The following AFF2 variants were observed in gnomAD, a reference collection of about 807,000 sequenced individuals.
AFF2 encodes the protein AF4/FMR2 family member 2.
AFF2 carries 14 observed loss-of-function variants against 76.9 expected under a neutral mutation model. That is an observed-to-expected ratio of 0.18 (90% CI 0.12 to 0.28). The LOEUF is 0.28. Ranked by LOEUF, AFF2 falls within the 10% of genes least tolerant of loss-of-function variation. The probability of loss-of-function intolerance (pLI) is 1.00; values close to 1 mark genes in which losing one functional copy is unlikely to be tolerated. For synonymous variants in AFF2, 398 were observed against 366.7 expected (o/e 1.09, Z -0.98); for missense variants, 868 against 1,001.1 (o/e 0.87, Z 1.79).
chrX:148,588,867 T>G (rs782375177), intron 1 of AFF2, among the ~76,000 whole-genome samples: 32 of 111,607 alleles, frequency 2.9e-4, no homozygotes, highest in Non-Finnish European at 5.8e-4. Flanking sequence ...AAAAACATAC[T>G]CAGATTTCAG....
In AFF2 at chrX:148,962,793, C is replaced by T; in HGVS notation, c.2769C>T (p.Asp923=). Residue 923 remains aspartate, a synonymous_variant, in exon 13 of 21, where the codon GAC becomes GAT. Coordinates refer to ENST00000370460, the MANE Select transcript of AFF2 (RefSeq NM_002025.4). ...FPPPLSPLPE[D]PPRRRNVSGN... is the part of the protein sequence containing the mutation. ...CTCCACTTTCCCCACTGCCAGAGGA[C>T]CCTCCACGCCGCAGAAATGTCAGTG... 2.5e-6 allele frequency: 3 copies of T among 1,210,598 alleles called. No homozygotes were observed. Among genetic ancestry groups the T allele is most frequent in the Non-Finnish European group, 3.4e-6 (3 of 894,489 alleles).
At position 148,729,154 on chromosome X, in the gene AFF2, A is replaced by G. The variant is rs184488289; in HGVS notation, c.1041+66386A>G. On this transcript the variant is annotated intron_variant, in intron 3 of 20. Transcript: ENST00000370460. ...CTTCATGGGGTGAATCAGAAGAGAGACAAGAACAGAAATGTAAACAAGACA... is the reference window on the plus strand; with the variant it reads ...CTTCATGGGGTGAATCAGAAGAGAGGCAAGAACAGAAATGTAAACAAGACA... Among the ~76,000 whole-genome samples, 553 of 112,115 alleles carry G rather than the reference A, an allele frequency of 4.9e-3. 4 individuals carry two copies. The highest frequency in any genetic ancestry group is 0.016 in the African/African-American group (509 of 30,917).
intron 3 of AFF2, among the ~76,000 whole-genome samples, chrX:148,795,835 ATATATATATATAT>A (rs2069971594): frequency 4.3e-4 from 5 of 11,605 alleles, no homozygotes; most frequent in South Asian, 6.6e-3. Context: ...AAAAAAAAAT[ATATATATATATAT>A]ATATATATAT....
intron 3 of AFF2, among the ~76,000 whole-genome samples, chrX:148,779,536 G>A (rs782021606): frequency 5.4e-5 from 6 of 111,039 alleles, no homozygotes; most frequent in Admixed American, 2.9e-4. Flanking sequence ...CCTGTATTGG[G>A]TGCATATATA....
intron 3 of AFF2, among the ~76,000 whole-genome samples, chrX:148,774,946 T>G (rs2124604901): frequency 8.9e-6 from 1 of 112,064 alleles, no homozygotes; most frequent in South Asian, 3.7e-4. Flanking sequence ...ACCGGCAGAG[T>G]AATTTTTATT....
chrX:148,899,995 A>T (rs1352982473), intron 8 of AFF2, among the ~76,000 whole-genome samples: 10 of 110,426 alleles, frequency 9.1e-5, no homozygotes, highest in Admixed American at 4.8e-4. Context: ...ATTTTCTATA[A>T]ATATGTATTT....
chrX:148,523,693 C>G (rs1569550717), intron 1 of AFF2, among the ~76,000 whole-genome samples: 1 of 112,316 alleles, frequency 8.9e-6, no homozygotes, highest in Non-Finnish European at 1.9e-5. Context: ...AAATATTAGT[C>G]TTTAGTTCTT....
At chrX:148,718,331 G>A (rs1199624303) in intron 3 of AFF2, among the ~76,000 whole-genome samples, 2 of 111,019 alleles carry the variant, frequency 1.8e-5, no homozygotes, top group Non-Finnish European at 3.8e-5. Context: ...ATGAGCATAG[G>A]GTCATCATTT....
intron 4 of AFF2, among the ~76,000 whole-genome samples, chrX:148,829,891 G>A (rs1197317877): frequency 8.9e-6 from 1 of 111,929 alleles, no homozygotes; most frequent in East Asian, 2.8e-4. Flanking sequence ...TACCCATACA[G>A]CCAGTCCTAA....
Position 148,918,574 on chromosome X carries a change from ACT to A in AFF2, c.1397+14318_1397+14319del, listed in dbSNP as rs782686692. On this transcript the variant is annotated intron_variant, in intron 9 of 20. Coordinates refer to ENST00000370460, the MANE Select transcript of AFF2 (RefSeq NM_002025.4). ...TATCTTGACAGCACAGCGTAGCACA[ACT>A]CACCCAGAGACACAAATTCGGAAAT... 2.4e-4 allele frequency among the ~76,000 whole-genome samples: 27 copies of A among 111,752 alleles called. No homozygotes were observed. In the South Asian group the frequency reaches 9.8e-3, roughly 41 times the overall value.
chrX:148,700,422 G>GTGTA (rs1362147064), intron 3 of AFF2, among the ~76,000 whole-genome samples: 1 of 55,748 alleles, frequency 1.8e-5, no homozygotes, highest in Non-Finnish European at 4.2e-5. Context: ...CTGTTGAAGT[G>GTGTA]TGTGTGTGTG....
At chrX:148,580,722 T>C (rs2053345157) in intron 1 of AFF2, among the ~76,000 whole-genome samples, 1 of 79,663 alleles carries the variant, frequency 1.3e-5, no homozygotes, top group South Asian at 7.6e-4. Context: ...CAGTTTTATA[T>C]ATATATATGT....
chrX:148,804,887 T>C (rs782429829), intron 3 of AFF2, among the ~76,000 whole-genome samples: 67 of 111,589 alleles, frequency 6.0e-4, no homozygotes, highest in Non-Finnish European at 9.8e-4. Flanking sequence ...GTGAACTGAG[T>C]TTGTAGTTTT....
intron 7 of AFF2, among the ~76,000 whole-genome samples, chrX:148,853,379 C>G (rs897483182): frequency 1.8e-5 from 2 of 111,405 alleles, no homozygotes; most frequent in African/African-American, 6.5e-5. Flanking sequence ...TAAGTTCCAG[C>G]GCTCTCACTC....
At chrX:148,625,944 C>A (rs1190824641) in intron 1 of AFF2, among the ~76,000 whole-genome samples, 1 of 111,996 alleles carries the variant, frequency 8.9e-6, no homozygotes, top group Admixed American at 9.4e-5. Context: ...CTGTTATAAA[C>A]TGGACAAAAA....
At chrX:148,655,854 C>T (rs1306895259) in intron 2 of AFF2, among the ~76,000 whole-genome samples, 2 of 111,163 alleles carry the variant, frequency 1.8e-5, no homozygotes, top group Non-Finnish European at 3.8e-5. Context: ...CCATGGTCCA[C>T]TGGTAGAAAC....
At chrX:148,774,163 T>G (rs782244504) in intron 3 of AFF2, among the ~76,000 whole-genome samples, 2 of 111,878 alleles carry the variant, frequency 1.8e-5, no homozygotes, top group African/African-American at 6.5e-5. Context: ...TTCCCAAAAA[T>G]GAATCAGGTC....
At chrX:148,773,641 AGGAG>A (rs1251286419) in intron 3 of AFF2, among the ~76,000 whole-genome samples, 6 of 99,570 alleles carry the variant, frequency 6.0e-5, no homozygotes, top group Non-Finnish European at 8.1e-5. Flanking sequence ...AAGGAAGGAA[AGGAG>A]GGAGGGAGGA....
intron 2 of AFF2, among the ~76,000 whole-genome samples, chrX:148,658,452 C>T (rs1431178524): frequency 8.9e-6 from 1 of 111,934 alleles, no homozygotes; most frequent in Non-Finnish European, 1.9e-5. Flanking sequence ...ACTCCTGTGT[C>T]ATTACTGTGC....
Sources: gnomAD v4.1 joint callset for allele counts (sites outside exome capture counted in the v4.1 genomes callset) on GRCh38, gnomAD v4.1.1 for gene constraint, MANE v1.5 for transcripts, NCBI Gene and HGNC (gene_info 2026-07-23, HGNC 2026-07-21) for gene names.